EML5: variants seen among roughly 807,000 people sequenced by gnomAD.
EML5 encodes echinoderm microtubule-associated protein-like 5.
Under a neutral mutation model 250.0 loss-of-function variants are expected in EML5, and 120 were observed. That is an observed-to-expected ratio of 0.48 (90% CI 0.41 to 0.56). The LOEUF (loss-of-function observed/expected upper bound fraction) is 0.56, where lower values mean the gene tolerates loss of function less well. EML5 is among the 20% of genes least tolerant of loss of function. EML5 has a pLI of 0.00. For missense variants in EML5, 2,006 were observed against 2,437.6 expected (o/e 0.82, Z 3.73); for synonymous variants, 771 against 806.5 (o/e 0.96, Z 0.75).
intron 21 of EML5, among the ~76,000 whole-genome samples, chr14:88,671,085 T>C (rs932423934): frequency 6.6e-6 from 1 of 151,996 alleles, no homozygotes; most frequent in Non-Finnish European, 1.5e-5. Flanking sequence ...CATGAGAAGA[T>C]CAACCCCATG....
chr14:88,645,858 C>T (rs1440290364), intron 29 of EML5, among the ~76,000 whole-genome samples: 2 of 152,334 alleles, frequency 1.3e-5, no homozygotes, highest in East Asian at 3.9e-4. Context: ...TCTAGCCCCT[C>T]TTCTCTGTTC....
At chr14:88,728,809 G>A (rs928759851) in intron 7 of EML5, among the ~76,000 whole-genome samples, 1 of 151,924 alleles carries the variant, frequency 6.6e-6, no homozygotes, top group African/African-American at 2.4e-5. Flanking sequence ...GGTATCTGCA[G>A]GGGGTCTTGG....
chr14:88,631,483 A>G (rs962602529), intron 33 of EML5, among the ~76,000 whole-genome samples: 3 of 152,204 alleles, frequency 2.0e-5, no homozygotes, highest in Non-Finnish European at 4.4e-5. Flanking sequence ...CAAAGTGCTA[A>G]GATTGCCGGG....
intron 36 of EML5, 81 bp from the exon 37 acceptor site, chr14:88,622,799 C>A: frequency 2.2e-6 from 2 of 890,044 alleles, no homozygotes; most frequent in South Asian, 2.9e-5. Flanking sequence ...AAGTTATAAG[C>A]AGAATCTTTT....
At chr14:88,764,031 G>C (rs150423348) in intron 1 of EML5, among the ~76,000 whole-genome samples, 3 of 152,124 alleles carry the variant, frequency 2.0e-5, no homozygotes, top group Non-Finnish European at 4.4e-5. Context: ...ATTATATAGC[G>C]AATTACACTG....
intron 14 of EML5, among the ~76,000 whole-genome samples, chr14:88,701,937 T>C (rs1455788214): frequency 6.6e-6 from 1 of 152,176 alleles, no homozygotes; most frequent in African/African-American, 2.4e-5. Flanking sequence ...TTCCCTTCCT[T>C]CTCTAAGAAT....
At chr14:88,671,995 G>C (rs1235679778) in intron 21 of EML5, among the ~76,000 whole-genome samples, 1 of 152,032 alleles carries the variant, frequency 6.6e-6, no homozygotes, top group Admixed American at 6.6e-5. Context: ...AGATCATAAA[G>C]ACAGAAAATT....
At chr14:88,703,181 C>T (rs543006657) in intron 13 of EML5, among the ~76,000 whole-genome samples, 1 of 151,930 alleles carries the variant, frequency 6.6e-6, no homozygotes, top group African/African-American at 2.4e-5. Context: ...AGTATACTAC[C>T]ATTTACATAA....
At chr14:88,763,548 C>A (rs899837497) in intron 1 of EML5, among the ~76,000 whole-genome samples, 1 of 152,048 alleles carries the variant, frequency 6.6e-6, no homozygotes, top group Non-Finnish European at 1.5e-5. Flanking sequence ...CAGGACCAGA[C>A]AGATTCACAG....
At chr14:88,738,831 G>A in intron 6 of EML5, 48 bp downstream of exon 6, 1 of 1,522,180 alleles carries the variant, frequency 6.6e-7, no homozygotes, top group Non-Finnish European at 8.8e-7. Context: ...GATAATCTTT[G>A]GGAAGTTTAG....
intron 7 of EML5, among the ~76,000 whole-genome samples, chr14:88,727,774 GGAGA>G (rs1566709874): frequency 6.6e-6 from 1 of 152,086 alleles, no homozygotes; most frequent in African/African-American, 2.4e-5. Flanking sequence ...CTGACCAAAG[GGAGA>G]GAGTGTGTGT....
intron 1 of EML5, among the ~76,000 whole-genome samples, chr14:88,775,371 A>G (rs1454203276): frequency 6.6e-6 from 1 of 152,160 alleles, no homozygotes; most frequent in East Asian, 1.9e-4. Context: ...GCCCTGGGGC[A>G]GAAGGGAGCC....
chr14:88,670,857 A>C (rs1411667631), intron 21 of EML5, among the ~76,000 whole-genome samples: 1 of 151,834 alleles, frequency 6.6e-6, no homozygotes, highest in Admixed American at 6.6e-5. Flanking sequence ...GATACACTAC[A>C]AGATTAGAGA....
intron 21 of EML5, among the ~76,000 whole-genome samples, chr14:88,674,694 A>G (rs933015746): frequency 6.6e-6 from 1 of 152,234 alleles, no homozygotes; most frequent in South Asian, 2.1e-4. Context: ...ACAGTCCACC[A>G]AAGTCTTAAC....
At chr14:88,761,612 T>C (rs2094245002) in intron 1 of EML5, among the ~76,000 whole-genome samples, 1 of 152,224 alleles carries the variant, frequency 6.6e-6, no homozygotes, top group African/African-American at 2.4e-5. Flanking sequence ...GGCATTTGGG[T>C]TGGTTCCAAG....
At chr14:88,751,781 A>G (rs1263365215) in intron 2 of EML5, among the ~76,000 whole-genome samples, 1 of 152,186 alleles carries the variant, frequency 6.6e-6, no homozygotes, top group Non-Finnish European at 1.5e-5. Context: ...GATAAAAATA[A>G]TCAGAGAGGG....
rs1001272353 is a variant in EML5 at position 88,627,634 on chromosome 14, A to G, written c.4531+12T>C. ...TGTTTTTTTAAAAATCAAACACACAAAAGAATCCTACCTTCCTGCCATCTC... is the reference window on the plus strand; with the variant it reads ...TGTTTTTTTAAAAATCAAACACACAGAAGAATCCTACCTTCCTGCCATCTC... On this transcript the variant is annotated intron_variant, in intron 34 of 43. Transcript: ENST00000554922. The G allele has an allele frequency of 1.3e-5, 20 of 1,583,452 alleles. No individual in the cohort carries two copies. The African/African-American group carries it at 2.3e-4, about 18-fold the overall frequency.
At chr14:88,708,019 T>C (rs929659849) in intron 10 of EML5, among the ~76,000 whole-genome samples, 2 of 152,212 alleles carry the variant, frequency 1.3e-5, no homozygotes, top group African/African-American at 4.8e-5. Context: ...GCATCTGATC[T>C]GCCTATACCG....
chr14:88,616,529 A>G, intron 42 of EML5, 197 bp downstream of exon 42: 1 of 612,638 alleles, frequency 1.6e-6, no homozygotes, highest in Non-Finnish European at 2.8e-6. Flanking sequence ...CTTTTGTAGG[A>G]TGGTTCCAAA....
Sources: gnomAD v4.1 joint callset for allele counts (sites outside exome capture counted in the v4.1 genomes callset) on GRCh38, gnomAD v4.1.1 for gene constraint, MANE v1.5 for transcripts, NCBI Gene and HGNC (gene_info 2026-07-23, HGNC 2026-07-21) for gene names.